Variants in FHIT observed in about 807,000 individuals in gnomAD.
FHIT encodes the protein fragile histidine triad diadenosine triphosphatase.
FHIT carries 19 observed loss-of-function variants against 17.9 expected under a neutral mutation model. That is an observed-to-expected ratio of 1.06 (90% CI 0.74 to 1.56). The LOEUF is 1.56. FHIT is among the 40% of genes most tolerant of loss of function. FHIT has a pLI of 0.00. For missense variants in FHIT, 248 were observed against 189.2 expected, an observed-to-expected ratio of 1.31 and a Z score of -1.82; for synonymous variants, 81 against 69.7, an observed-to-expected ratio of 1.16 and a Z score of -0.81.
At chr3:60,751,939 T>G (rs1246186430) in intron 4 of FHIT, among the ~76,000 whole-genome samples, 1 of 152,302 alleles carries the variant, frequency 6.6e-6, no homozygotes, top group African/African-American at 2.4e-5. Flanking sequence ...TGCAGTCTTT[T>G]AAGTGGAAGA....
chr3:60,686,085 G>A (rs563486540), intron 4 of FHIT, among the ~76,000 whole-genome samples: 1 of 152,220 alleles, frequency 6.6e-6, no homozygotes, highest in Admixed American at 6.5e-5. Flanking sequence ...AGTATCTTTG[G>A]ATATGGACTT....
At chr3:60,396,441 A>G (rs997507127) in intron 5 of FHIT, among the ~76,000 whole-genome samples, 1 of 152,128 alleles carries the variant, frequency 6.6e-6, no homozygotes, top group Non-Finnish European at 1.5e-5. Flanking sequence ...AAACAAAACC[A>G]CTTCTGTGCA....
intron 2 of FHIT, among the ~76,000 whole-genome samples, chr3:61,169,206 A>G (rs759568813): frequency 1.3e-5 from 2 of 152,212 alleles, no homozygotes; most frequent in Non-Finnish European, 2.9e-5. Context: ...TAAGTTGTAG[A>G]TAACTGATAG....
intron 8 of FHIT, among the ~76,000 whole-genome samples, chr3:59,848,880 C>T (rs1294984794): frequency 6.6e-6 from 1 of 152,324 alleles, no homozygotes; most frequent in East Asian, 1.9e-4. Context: ...TGTCTCTCAT[C>T]CTTCACTCTT....
chr3:61,052,638 G>A lies in FHIT; in HGVS notation c.-163-10539C>T, dbSNP rs114422233. Among the ~76,000 whole-genome samples the A allele has an allele frequency of 2.8e-3, 421 of 152,242 alleles. 4 individuals carry two copies. The highest frequency in any genetic ancestry group is 9.3e-3 in the African/African-American group (388 of 41,544). On this transcript the variant is annotated intron_variant, in intron 2 of 9. Coordinates refer to ENST00000492590, the MANE Select transcript of FHIT (RefSeq NM_002012.4). ...TATTGGAGTCAACAGACAAATTTAT[G>A]CTGTTATTGCCCACGAGTTTCTAAA...
chr3:60,398,714 A>G (rs1427498157), intron 5 of FHIT, among the ~76,000 whole-genome samples: 1 of 152,168 alleles, frequency 6.6e-6, no homozygotes, highest in African/African-American at 2.4e-5. Flanking sequence ...TAATGTTACC[A>G]TATTACCCAA....
At chr3:59,935,897 T>C (rs1482910886) in intron 7 of FHIT, among the ~76,000 whole-genome samples, 1 of 152,232 alleles carries the variant, frequency 6.6e-6, no homozygotes, top group Non-Finnish European at 1.5e-5. Context: ...TTGAAAGTTC[T>C]TGTGCATACA....
chr3:60,785,772 ACC>A lies in FHIT; in HGVS notation c.-18+36145_-18+36146del, dbSNP rs558993748. ...AGCAACAAGTATTTGCTGAAAACCAACCATATTCTTAGTAAGAAGATGGGTGC... is the reference window on the plus strand; with the variant it reads ...AGCAACAAGTATTTGCTGAAAACCAAATATTCTTAGTAAGAAGATGGGTGC... On this transcript the variant is annotated intron_variant, in intron 4 of 9. Transcript: ENST00000492590. Among the ~76,000 whole-genome samples the A allele has an allele frequency of 3.9e-3, 589 of 152,230 alleles. 2 individuals are homozygous for A. The highest frequency in any genetic ancestry group is 7.0e-3 in the Non-Finnish European group (479 of 68,006).
chr3:60,947,389 G>A (rs1553775976), intron 3 of FHIT, among the ~76,000 whole-genome samples: 2 of 152,102 alleles, frequency 1.3e-5, no homozygotes, highest in East Asian at 1.9e-4. Flanking sequence ...AGATCTAAGT[G>A]TCCCTTCCCT....
chr3:60,346,557 C>G (rs6771883), intron 5 of FHIT, among the ~76,000 whole-genome samples: 22,507 of 152,110 alleles, frequency 0.15, 1,751 homozygotes, highest in Non-Finnish European at 0.16. Context: ...GACCTGTTAG[C>G]AGGAATCCCC....
At chr3:60,683,578 A>G (rs1163966767) in intron 4 of FHIT, among the ~76,000 whole-genome samples, 1 of 152,180 alleles carries the variant, frequency 6.6e-6, no homozygotes, top group Non-Finnish European at 1.5e-5. Flanking sequence ...GACTGTAAAC[A>G]CAACTTTTAT....
Position 60,536,935 on chromosome 3 carries a change from T to C in FHIT, c.28A>G (p.Ile10Val). 6.2e-7 allele frequency: 1 copy of C among 1,611,670 alleles called. No individual in the cohort carries two copies. Among genetic ancestry groups the C allele is most frequent in the Non-Finnish European group, 8.5e-7 (1 of 1,178,292 alleles). Residue 10 changes from isoleucine to valine, a missense_variant, in exon 5 of 10, where the codon ATC (isoleucine) becomes GTC (valine). Transcript: ENST00000492590. MSFRFGQHLIKPSVVFLKTE... is the reference protein window; with the variant it reads MSFRFGQHLVKPSVVFLKTE... ...TTGAGAAACACTACAGAGGGCTTGA[T>C]GAGATGTTGGCCAAATCTGAACGAC...
At chr3:60,228,411 C>T (rs1001688818) in intron 5 of FHIT, among the ~76,000 whole-genome samples, 2 of 151,998 alleles carry the variant, frequency 1.3e-5, no homozygotes, top group Non-Finnish European at 2.9e-5. Context: ...GATTGTATGA[C>T]CTTGGGAATA....
At chr3:60,350,925 C>T (rs1029719057) in intron 5 of FHIT, among the ~76,000 whole-genome samples, 1 of 152,164 alleles carries the variant, frequency 6.6e-6, no homozygotes, top group Non-Finnish European at 1.5e-5. Flanking sequence ...CCCTTGTTGG[C>T]TTTGAAGAAG....
At chr3:61,184,213 C>T (rs1407710793) in intron 2 of FHIT, among the ~76,000 whole-genome samples, 1 of 152,076 alleles carries the variant, frequency 6.6e-6, no homozygotes, top group Non-Finnish European at 1.5e-5. Context: ...CGGCTAACAT[C>T]CCCTTTGGGC....
intron 3 of FHIT, among the ~76,000 whole-genome samples, chr3:60,853,733 C>T (rs1054233377): frequency 3.3e-5 from 5 of 152,052 alleles, no homozygotes; most frequent in East Asian, 1.9e-4. Flanking sequence ...TCTAATGATC[C>T]GCTAGTTAGT....
chr3:60,008,339 A>C (rs1700002263), intron 7 of FHIT, among the ~76,000 whole-genome samples: 2 of 152,170 alleles, frequency 1.3e-5, no homozygotes, highest in Non-Finnish European at 2.9e-5. Flanking sequence ...TTAAACCCAA[A>C]AAGGAGAGTT....
chr3:60,457,249 C>A (rs1419277103), intron 5 of FHIT, among the ~76,000 whole-genome samples: 2 of 151,972 alleles, frequency 1.3e-5, no homozygotes, highest in African/African-American at 4.8e-5. Context: ...ACCAATGGAA[C>A]AGAACAGAGC....
chr3:60,850,937 T>G (rs1703129798), intron 3 of FHIT, among the ~76,000 whole-genome samples: 1 of 152,014 alleles, frequency 6.6e-6, no homozygotes, highest in Non-Finnish European at 1.5e-5. Flanking sequence ...TATAAGAGAG[T>G]GGCTAGATGC....
Sources: gnomAD v4.1 joint callset for allele counts (sites outside exome capture counted in the v4.1 genomes callset) on GRCh38, gnomAD v4.1.1 for gene constraint, MANE v1.5 for transcripts, NCBI Gene and HGNC (gene_info 2026-07-23, HGNC 2026-07-21) for gene names.